The following RAB25 variants were observed in gnomAD, a reference collection of about 807,000 sequenced individuals.
RAB25 encodes the protein ras-related protein Rab-25.
RAB25 carries 23 observed loss-of-function variants against 25.2 expected under a neutral mutation model. The observed-to-expected ratio is 0.91, with a 90% CI of 0.66 to 1.29. The LOEUF is 1.29. RAB25 is among the 50% of genes most tolerant of loss of function. RAB25 has a pLI of 0.00. For missense variants in RAB25, 244 were observed against 277.3 expected (o/e 0.88, Z 0.85); for synonymous variants, 102 against 111.5 (o/e 0.91, Z 0.54).
rs759429210 is a variant in RAB25, at chr1:156,070,241, A to C, written c.596A>C (p.Gln199Pro). The change falls in exon 5 of 5, where the codon CAG becomes CCG. Residue 199 changes from glutamine to proline, a missense_variant. Gln to Pro is a moderately conservative substitution (Grantham distance 76, BLOSUM62 -1). Transcript: ENST00000361084. Reference sequence around the variant, plus strand: ...ACTCTGGGCAGTGCCCAGGCTGGACAGGAGCCTGGCCCTGGGGAGAAGAGG... The same window carrying C: ...ACTCTGGGCAGTGCCCAGGCTGGACCGGAGCCTGGCCCTGGGGAGAAGAGG... ...AITLGSAQAG[Q>P]EPGPGEKRAC... The C allele has an allele frequency of 6.2e-7, 1 of 1,614,064 alleles. No individual in the cohort carries two copies. The highest frequency in any genetic ancestry group is 8.5e-7 in the Non-Finnish European group (1 of 1,179,982).
intron 2 of RAB25, among the ~76,000 whole-genome samples, chr1:156,066,809 G>A (rs2102770713): frequency 6.6e-6 from 1 of 152,176 alleles, no homozygotes; most frequent in Non-Finnish European, 1.5e-5. Flanking sequence ...GCTTGGTGGT[G>A]CGTACCTGTA....
At chr1:156,061,549 C>T in intron 1 of RAB25, 106 bp downstream of exon 1, 1 of 1,168,556 alleles carries the variant, frequency 8.6e-7, no homozygotes, top group Non-Finnish European at 1.3e-6. Context: ...ACCAAGACCT[C>T]CTGGGGCTCC....
intron 2 of RAB25, among the ~76,000 whole-genome samples, chr1:156,067,877 C>T (rs764516848): frequency 2.6e-5 from 4 of 152,126 alleles, no homozygotes; most frequent in Non-Finnish European, 4.4e-5. Context: ...CTCAGCCTTC[C>T]GAGTAGCTGG....
chr1:156,066,261 A>G, intron 2 of RAB25, 155 bp downstream of exon 2: 1 of 644,676 alleles, frequency 1.6e-6, no homozygotes, highest in Non-Finnish European at 2.5e-6. Context: ...AGGTACTGTA[A>G]ACAGAAACAG....
At chr1:156,063,810 C>T (rs72708250) in intron 1 of RAB25, among the ~76,000 whole-genome samples, 15 of 152,334 alleles carry the variant, frequency 9.8e-5, no homozygotes, top group East Asian at 1.9e-4. Flanking sequence ...ACCTCCAAAG[C>T]GCCTTGTCTG....
At chr1:156,061,705 G>T (rs1023319565) in intron 1 of RAB25, among the ~76,000 whole-genome samples, 5 of 152,084 alleles carry the variant, frequency 3.3e-5, no homozygotes, top group Admixed American at 3.3e-4. Context: ...CCTCTGCCCC[G>T]TTCCTAATAG....
At chr1:156,068,985 G>C (rs183980206) in intron 3 of RAB25, among the ~76,000 whole-genome samples, 1 of 151,366 alleles carries the variant, frequency 6.6e-6, no homozygotes, top group Non-Finnish European at 1.5e-5. Context: ...CACTGTGCCC[G>C]GCCCGTAGTT....
chr1:156,061,317 G>T lies in RAB25; in HGVS notation c.-84G>T. The stretch of plus-strand genomic sequence containing the variant: ...AGGGGCAGGACCAGATCTTTTGAGA[G>T]CTGAGGGTTGAGGGCATTGAGCCAA... On this transcript the variant is annotated 5_prime_UTR_variant, in exon 1 of 5. Transcript: ENST00000361084. 7.2e-7 allele frequency: 1 copy of T among 1,383,866 alleles called. No individual in the cohort carries two copies. Among genetic ancestry groups the T allele is most frequent in the South Asian group, 1.2e-5 (1 of 85,782 alleles). 85.7% of individuals were successfully genotyped at this position (1,383,866 alleles called of 1,614,324 possible). A position where few individuals can be genotyped will look rare whatever the true frequency, so the allele number is the denominator to read the frequency against.
chr1:156,062,437 G>A (rs1225623650), intron 1 of RAB25, among the ~76,000 whole-genome samples: 2 of 152,024 alleles, frequency 1.3e-5, no homozygotes, highest in Non-Finnish European at 2.9e-5. Context: ...TTAGGGCAGG[G>A]TGGACTCTCC....
chr1:156,061,335 T>C lies in RAB25; in HGVS notation c.-66T>C. 1.3e-6 allele frequency: 2 copies of C among 1,515,034 alleles called. No individual in the cohort carries two copies. Among genetic ancestry groups the C allele is most frequent in the South Asian group, 2.2e-5 (2 of 88,938 alleles). The allele number at this position is 1,515,034 out of a possible 1,614,324, so 93.8% of individuals were successfully genotyped here. A position where few individuals can be genotyped will look rare whatever the true frequency, so the allele number is the denominator to read the frequency against. ...TTTGAGAGCTGAGGGTTGAGGGCATTGAGCCAACACACAGATTTGTCGCCT... is the reference window on the plus strand; with the variant it reads ...TTTGAGAGCTGAGGGTTGAGGGCATCGAGCCAACACACAGATTTGTCGCCT... On this transcript the variant is annotated 5_prime_UTR_variant, in exon 1 of 5. Transcript: ENST00000361084.
chr1:156,062,353 G>A (rs1473016326), intron 1 of RAB25, among the ~76,000 whole-genome samples: 2 of 152,138 alleles, frequency 1.3e-5, no homozygotes, highest in Non-Finnish European at 2.9e-5. Context: ...GCTGTCCCTG[G>A]AAGCATGCAT....
chr1:156,062,506 C>T (rs1350066538), intron 1 of RAB25, among the ~76,000 whole-genome samples: 5 of 152,120 alleles, frequency 3.3e-5, no homozygotes, highest in Admixed American at 1.3e-4. Flanking sequence ...TGAGCTGGGA[C>T]TCTCACTCCA....
chr1:156,065,110 C>T (rs1238136283), intron 1 of RAB25, among the ~76,000 whole-genome samples: 5 of 152,174 alleles, frequency 3.3e-5, no homozygotes, highest in Non-Finnish European at 7.3e-5. Context: ...GGCCTGCTAA[C>T]AACAATCATA....
intron 2 of RAB25, among the ~76,000 whole-genome samples, chr1:156,067,906 T>C (rs1009668971): frequency 2.6e-5 from 4 of 152,152 alleles, no homozygotes; most frequent in African/African-American, 9.7e-5. Context: ...GCATGCGCCA[T>C]CATGCCCGGC....
intron 2 of RAB25, 67 bp downstream of exon 2, chr1:156,066,173 G>T: frequency 7.3e-7 from 1 of 1,373,382 alleles, no homozygotes; most frequent in East Asian, 2.6e-5. Flanking sequence ...CACTTCTGGA[G>T]GAGAAGTGGG....
In RAB25 at chr1:156,070,404, AC is replaced by A; in HGVS notation, c.*120del. 7.3e-7 allele frequency: 1 copy of A among 1,368,628 alleles called. No homozygotes were observed. Among genetic ancestry groups the A allele is most frequent in the Non-Finnish European group, 9.9e-7 (1 of 1,006,446 alleles). The allele number at this position is 1,368,628 out of a possible 1,614,324, so 84.8% of individuals were successfully genotyped here. A position where few individuals can be genotyped will look rare whatever the true frequency, so the allele number is the denominator to read the frequency against. ...TATCAGACTGTTCCCTGTTCACAGC[AC>A]CCTCAGGGTCTTAAGGTCTTCATGC... On this transcript the variant is annotated 3_prime_UTR_variant, in exon 5 of 5. Transcript: ENST00000361084.
At chr1:156,068,075 C>G in intron 2 of RAB25, 195 bp from the exon 3 acceptor site, 1 of 526,404 alleles carries the variant, frequency 1.9e-6, no homozygotes, top group African/African-American at 1.9e-5. Flanking sequence ...ACTTTACAGG[C>G]TCCAAGACTA....
At chr1:156,066,209 A>G in intron 2 of RAB25, 103 bp downstream of exon 2, 2 of 819,120 alleles carry the variant, frequency 2.4e-6, no homozygotes, top group South Asian at 5.2e-5. Flanking sequence ...GGGGCTCAGC[A>G]GTGGGCTCTG....
chr1:156,067,677 G>A (rs987920597), intron 2 of RAB25, among the ~76,000 whole-genome samples: 11 of 152,214 alleles, frequency 7.2e-5, no homozygotes, highest in Non-Finnish European at 1.3e-4. Context: ...AAATCAGGAC[G>A]AGAACCTGAG....
Sources: gnomAD v4.1 joint callset for allele counts (sites outside exome capture counted in the v4.1 genomes callset) on GRCh38, gnomAD v4.1.1 for gene constraint, MANE v1.5 for transcripts, NCBI Gene and HGNC (gene_info 2026-07-23, HGNC 2026-07-21) for gene names.